Variants in IQUB observed in about 807,000 individuals in gnomAD.
IQUB encodes IQ motif and ubiquitin domain containing.
A neutral mutation model predicts 86.4 loss-of-function variants in IQUB; 86 were observed. The ratio of observed to expected loss-of-function variants is 1.00; its 90% CI spans 0.84 to 1.19. The LOEUF (loss-of-function observed/expected upper bound fraction) is 1.19. IQUB is among the 50% of genes most tolerant of loss of function. The pLI, the probability that IQUB is intolerant of heterozygous loss-of-function variation, is 0.00. For synonymous variants in IQUB, 289 were observed against 304.5 expected (o/e 0.95, Z 0.53); for missense variants, 946 against 916.9 (o/e 1.03, Z -0.41).
intron 2 of IQUB, among the ~76,000 whole-genome samples, chr7:123,510,404 T>G (rs189185034): frequency 7.2e-5 from 11 of 152,170 alleles, no homozygotes; most frequent in Admixed American, 4.6e-4. Flanking sequence ...AAGTTAGAAA[T>G]GCACTATAAC....
intron 3 of IQUB, 126 bp from the exon 4 acceptor site, chr7:123,503,489 G>A: frequency 1.7e-6 from 1 of 578,460 alleles, no homozygotes; most frequent in Non-Finnish European, 3.0e-6. Context: ...TTTGAACTAT[G>A]TATACATTGT....
chr7:123,495,723 T>A (rs955305634), intron 7 of IQUB, among the ~76,000 whole-genome samples: 2 of 152,148 alleles, frequency 1.3e-5, no homozygotes, highest in Admixed American at 1.3e-4. Context: ...CAGGTACTGC[T>A]GGCAAAGCAG....
chr7:123,476,976 T>C (rs1325087715), intron 8 of IQUB, among the ~76,000 whole-genome samples: 1 of 152,094 alleles, frequency 6.6e-6, no homozygotes, highest in Admixed American at 6.6e-5. Flanking sequence ...TGCTCATGGA[T>C]AGGAAGAATC....
At chr7:123,459,399 T>C (rs894272721) in intron 11 of IQUB, among the ~76,000 whole-genome samples, 15 of 152,008 alleles carry the variant, frequency 9.9e-5, no homozygotes, top group African/African-American at 3.6e-4. Context: ...GTGTCTTCCA[T>C]AATGTGAGTG....
At chr7:123,475,373 CTT>C (rs35957699) in intron 8 of IQUB, among the ~76,000 whole-genome samples, 4,113 of 93,018 alleles carry the variant, frequency 0.044, 47 homozygotes, top group Admixed American at 0.05. Context: ...CTCCATTTCA[CTT>C]TTTTTTTTTT....
intron 7 of IQUB, among the ~76,000 whole-genome samples, chr7:123,492,216 A>G (rs1350213558): frequency 6.6e-6 from 1 of 152,220 alleles, no homozygotes; most frequent in East Asian, 1.9e-4. Context: ...TTGTTATAGT[A>G]GCCTGAATGG....
intron 3 of IQUB, among the ~76,000 whole-genome samples, chr7:123,508,398 T>C (rs931544369): frequency 5.3e-5 from 8 of 152,208 alleles, no homozygotes; most frequent in Non-Finnish European, 1.0e-4. Flanking sequence ...AGAACAGCCA[T>C]AAGAAACCAA....
intron 6 of IQUB, among the ~76,000 whole-genome samples, chr7:123,500,667 A>C (rs760420613): frequency 6.6e-6 from 1 of 152,226 alleles, no homozygotes; most frequent in South Asian, 2.1e-4. Context: ...AACAGGTCAC[A>C]CCTCACTTCC....
chr7:123,496,576 T>G (rs1795714208), intron 7 of IQUB, 120 bp downstream of exon 7: 1 of 589,626 alleles, frequency 1.7e-6, no homozygotes, highest in Non-Finnish European at 2.9e-6. Flanking sequence ...AATTCTCTAC[T>G]GCAAATTTCC....
chr7:123,465,156 A>AT (rs1490736725), intron 9 of IQUB, 147 bp from the exon 10 acceptor site: 2 of 591,716 alleles, frequency 3.4e-6, no homozygotes, highest in East Asian at 2.9e-5. Context: ...CTAATAGTTC[A>AT]TTTTTTGTGG....
At chr7:123,477,784 T>G (rs927286657) in intron 8 of IQUB, among the ~76,000 whole-genome samples, 9 of 152,118 alleles carry the variant, frequency 5.9e-5, no homozygotes, top group Non-Finnish European at 1.0e-4. Context: ...GGGCATAGGA[T>G]ATGAAGAGAC....
chr7:123,529,741 A>C (rs1396997848), intron 1 of IQUB, among the ~76,000 whole-genome samples: 1 of 147,608 alleles, frequency 6.8e-6, no homozygotes, highest in Non-Finnish European at 1.5e-5. Context: ...AAAAAAAAAA[A>C]AAAAAAAAAA....
chr7:123,452,933 G>A lies in IQUB; in HGVS notation c.2194-8C>T. The A allele has an allele frequency of 6.3e-7, 1 of 1,593,042 alleles. No homozygotes were observed. Among genetic ancestry groups the A allele is most frequent in the South Asian group, 1.1e-5 (1 of 88,648 alleles). ...AAATGAGCGTTCATATCCCTGCAAA[G>A]AAAAAAATCAAATTCTAGTAAATAT... On this transcript the variant is annotated splice_polypyrimidine_tract_variant and splice_region_variant and intron_variant, in intron 12 of 12. Transcript: ENST00000324698.
In IQUB at chr7:123,461,443, A is replaced by ATGAT. The variant is rs1219791438; in HGVS notation, c.1917_1920dup (p.Phe641IlefsTer18). 6.2e-7 allele frequency: 1 copy of ATGAT among 1,612,316 alleles called. No individual in the cohort carries two copies. ...TGAAGTAAACATTTGTACTTCAAAAATGATTCTCGTTTTTGAGCCTCATTC... is the reference window on the plus strand; with the variant it reads ...TGAAGTAAACATTTGTACTTCAAAAATGATTGATTCTCGTTTTTGAGCCTCATTC... On this transcript the variant is annotated frameshift_variant, in exon 11 of 13. Transcript: ENST00000324698. LOFTEE classifies it high-confidence loss of function.
chr7:123,496,780 CT>C lies in IQUB; in HGVS notation c.1149del (p.Glu384LysfsTer4). ...TQQELRKIRE[K>X]EEWIKLDYHR... Reference sequence around the variant, plus strand: ...TGATAGTCCAATTTTATCCATTCTTCTTTTTCTCTTATCTTCCTTAGTTCTT... The same window carrying C: ...TGATAGTCCAATTTTATCCATTCTTCTTTTCTCTTATCTTCCTTAGTTCTT... On this transcript the variant is annotated frameshift_variant, in exon 7 of 13. Coordinates refer to ENST00000324698, the MANE Select transcript of IQUB (RefSeq NM_178827.5). LOFTEE classifies it high-confidence loss of function. The C allele has an allele frequency of 2.5e-6, 4 of 1,611,996 alleles. No homozygotes were observed. Among genetic ancestry groups the C allele is most frequent in the East Asian group, 2.2e-5 (1 of 44,738 alleles).
intron 9 of IQUB, among the ~76,000 whole-genome samples, chr7:123,467,256 G>C (rs1794305103): frequency 1.3e-5 from 2 of 152,030 alleles, no homozygotes; most frequent in Admixed American, 1.3e-4. Context: ...TAGGAATGTA[G>C]ACAACATATT....
chr7:123,491,117 C>G (rs937316416), intron 7 of IQUB, among the ~76,000 whole-genome samples: 1 of 152,074 alleles, frequency 6.6e-6, no homozygotes, highest in African/African-American at 2.4e-5. Flanking sequence ...TTCTAAGTAT[C>G]CCATGGGTCA....
chr7:123,517,604 T>G (rs932289885), intron 1 of IQUB, among the ~76,000 whole-genome samples: 16 of 148,302 alleles, frequency 1.1e-4, no homozygotes, highest in Non-Finnish European at 1.5e-5. Context: ...ACAAATACCC[T>G]TGAAAACAAA....
intron 12 of IQUB, among the ~76,000 whole-genome samples, chr7:123,455,965 T>G (rs1041246039): frequency 2.6e-5 from 4 of 152,088 alleles, no homozygotes; most frequent in Non-Finnish European, 5.9e-5. Flanking sequence ...AAGTATTTTT[T>G]TAACTTCTTA....
Sources: gnomAD v4.1 joint callset for allele counts (sites outside exome capture counted in the v4.1 genomes callset) on GRCh38, gnomAD v4.1.1 for gene constraint, MANE v1.5 for transcripts, NCBI Gene and HGNC (gene_info 2026-07-23, HGNC 2026-07-21) for gene names.